The following P2RX1 variants were observed in gnomAD, a reference collection of about 807,000 sequenced individuals.
The protein encoded by P2RX1 is P2X purinoceptor 1.
In P2RX1, 42 loss-of-function variants were observed where a neutral mutation model predicts 50.3. That is an observed-to-expected ratio of 0.83 (90% CI 0.65 to 1.08). The LOEUF (loss-of-function observed/expected upper bound fraction) is 1.08. Ranked by LOEUF, P2RX1 falls within the 50% of genes least tolerant of loss-of-function variation. The pLI, the probability that P2RX1 is intolerant of heterozygous loss-of-function variation, is 0.00. For missense variants in P2RX1, 449 were observed against 529.0 expected (o/e 0.85, Z 1.48); for synonymous variants, 199 against 202.6 (o/e 0.98, Z 0.15).
At chr17:3,899,125 G>A (rs2143956808) in intron 8 of P2RX1, 101 bp from the exon 9 acceptor site, 1 of 830,128 alleles carries the variant, frequency 1.2e-6, no homozygotes, top group East Asian at 2.5e-5. Context: ...TGGTCTCTGA[G>A]TACAGCCTCA....
intron 7 of P2RX1, 111 bp from the exon 8 acceptor site, chr17:3,899,872 G>A (rs553698029): frequency 1.8e-5 from 25 of 1,356,840 alleles, no homozygotes; most frequent in Admixed American, 1.7e-4. Context: ...AGGCAGAGGC[G>A]GGTGGATCAC....
intron 1 of P2RX1, among the ~76,000 whole-genome samples, chr17:3,910,521 G>A (rs2056344709): frequency 1.3e-5 from 2 of 152,216 alleles, no homozygotes. Context: ...TTCATCTAAG[G>A]ACCCAGAAGG....
intron 1 of P2RX1, among the ~76,000 whole-genome samples, chr17:3,910,716 C>T (rs1243583588): frequency 6.6e-6 from 1 of 152,198 alleles, no homozygotes; most frequent in Non-Finnish European, 1.5e-5. Context: ...GGGGCATGAG[C>T]AGACTCCAGG....
At chr17:3,902,881 T>G (rs1280840123) in intron 7 of P2RX1, among the ~76,000 whole-genome samples, 1 of 151,968 alleles carries the variant, frequency 6.6e-6, no homozygotes, top group Non-Finnish European at 1.5e-5. Flanking sequence ...AGTGCTGGGA[T>G]TATAGGCACG....
In P2RX1 at chr17:3,897,704, C is replaced by T; in HGVS notation, c.*110G>A. On this transcript the variant is annotated 3_prime_UTR_variant, in exon 12 of 12. Transcript: ENST00000225538. Reference sequence around the variant, plus strand: ...TTCTGGCAAACTGCTCTCTGCCTGGCTGAGAGGGTAGGAGACTTCCTGGGG... The same window carrying T: ...TTCTGGCAAACTGCTCTCTGCCTGGTTGAGAGGGTAGGAGACTTCCTGGGG... The T allele has an allele frequency of 1.0e-6, 1 of 965,126 alleles. No homozygotes were observed. The highest frequency in any genetic ancestry group is 1.6e-6 in the Non-Finnish European group (1 of 621,034). The allele number at this position is 965,126 out of a possible 1,614,324, so 59.8% of individuals were successfully genotyped here.
intron 2 of P2RX1, 34 bp from the exon 3 acceptor site, chr17:3,904,963 G>GGGGCC: frequency 1.4e-5 from 6 of 435,234 alleles, no homozygotes; most frequent in Non-Finnish European, 1.4e-5. Flanking sequence ...GGTGGGGTGG[G>GGGGCC]CTGGGAGCTG....
intron 7 of P2RX1, among the ~76,000 whole-genome samples, chr17:3,901,265 C>T (rs2056137036): frequency 6.6e-6 from 1 of 152,192 alleles, no homozygotes; most frequent in Non-Finnish European, 1.5e-5. Flanking sequence ...GACGGGGTTT[C>T]ACCGTGTTAG....
intron 1 of P2RX1, among the ~76,000 whole-genome samples, chr17:3,911,480 T>G (rs1404368409): frequency 6.6e-6 from 1 of 152,204 alleles, no homozygotes; most frequent in East Asian, 1.9e-4. Flanking sequence ...GCGTGAGGCC[T>G]GCCGGGGTGA....
chr17:3,906,549 T>C (rs1374081422), intron 1 of P2RX1, among the ~76,000 whole-genome samples: 1 of 152,240 alleles, frequency 6.6e-6, no homozygotes, highest in Non-Finnish European at 1.5e-5. Flanking sequence ...GATCCAGCCA[T>C]GCTGGGACCC....
In P2RX1 at chr17:3,911,069, A is replaced by G. The variant is rs569389480; in HGVS notation, c.137+5020T>C. Reference sequence around the variant, plus strand: ...GCAGTCGTGGCTCACTGCAGCCTCAACTTTCCAGGCTCAGGTGATCCTCCC... The same window carrying G: ...GCAGTCGTGGCTCACTGCAGCCTCAGCTTTCCAGGCTCAGGTGATCCTCCC... On this transcript the variant is annotated intron_variant, in intron 1 of 11. Coordinates refer to ENST00000225538, the MANE Select transcript of P2RX1 (RefSeq NM_002558.4). Among the ~76,000 whole-genome samples the G allele has an allele frequency of 2.9e-3, 436 of 151,984 alleles. 6 individuals are homozygous for G. Among genetic ancestry groups the G allele is most frequent in the African/African-American group, 0.01 (419 of 41,404 alleles).
rs564311052 is a variant in P2RX1 at position 3,914,367 on chromosome 17, C to T, written c.137+1722G>A. Among the ~76,000 whole-genome samples the T allele has an allele frequency of 3.5e-4, 53 of 152,004 alleles. No homozygotes were observed. Among genetic ancestry groups the T allele is most frequent in the African/African-American group, 1.0e-3 (42 of 41,452 alleles). On this transcript the variant is annotated intron_variant, in intron 1 of 11. Coordinates refer to ENST00000225538, the MANE Select transcript of P2RX1 (RefSeq NM_002558.4). This position sits in a 1 kb window ranked among gnomAD's most constrained non-coding sequence, Gnocchi z 4.1. Reference sequence around the variant, plus strand: ...GGCAGGAGGACGGTAGTGAGGTCCCCGTCACTGGAGGTATAGGTTCCCGGC... The same window carrying T: ...GGCAGGAGGACGGTAGTGAGGTCCCTGTCACTGGAGGTATAGGTTCCCGGC...
intron 7 of P2RX1, among the ~76,000 whole-genome samples, chr17:3,901,620 C>G (rs2056148123): frequency 6.6e-6 from 1 of 152,216 alleles, no homozygotes; most frequent in Non-Finnish European, 1.5e-5. Flanking sequence ...TTGCTGACCT[C>G]CCTTGTAGAC....
Position 3,903,394 on chromosome 17 carries a change from C to A in P2RX1, c.606-51G>T. 1 of 1,611,212 alleles carries A rather than the reference C, an allele frequency of 6.2e-7. No homozygotes were observed. Among genetic ancestry groups the A allele is most frequent in the Non-Finnish European group, 8.5e-7 (1 of 1,178,754 alleles). On this transcript the variant is annotated intron_variant, in intron 6 of 11. Coordinates refer to ENST00000225538, the MANE Select transcript of P2RX1 (RefSeq NM_002558.4). This position sits in a 1 kb window ranked among gnomAD's most constrained non-coding sequence, Gnocchi z 4.6. ...CTGCTGTGTGTCATCCGGGAGGGTG[C>A]CCACCACGCCCCAAAGCCTGGGGAC...
In P2RX1 at chr17:3,903,661, C is replaced by T; in HGVS notation, c.525-30G>A. On this transcript the variant is annotated intron_variant, in intron 5 of 11. Transcript: ENST00000225538. This position sits in a 1 kb window ranked among gnomAD's most constrained non-coding sequence, Gnocchi z 4.6. ...AGGACACCACACGCACTCACCGCCC[C>T]TCCCCAGGAGGCCCCCTGTGTGTCC... The T allele has an allele frequency of 6.2e-7, 1 of 1,608,850 alleles. No individual in the cohort carries two copies. Among genetic ancestry groups the T allele is most frequent in the Non-Finnish European group, 8.5e-7 (1 of 1,175,738 alleles).
intron 3 of P2RX1, chr17:3,904,634 G>A (rs925730464): frequency 6.4e-6 from 4 of 627,890 alleles, no homozygotes; most frequent in South Asian, 5.6e-5. Context: ...GTGGGGGTGG[G>A]CACGAAGTCT....
intron 7 of P2RX1, among the ~76,000 whole-genome samples, chr17:3,901,453 A>C (rs2143979109): frequency 6.6e-6 from 1 of 152,276 alleles, no homozygotes; most frequent in South Asian, 2.1e-4. Flanking sequence ...AGGGGTCAGG[A>C]AACTGAGGCC....
In P2RX1 at chr17:3,902,588, G is replaced by A. The variant is rs112962367; in HGVS notation, c.747+614C>T. ...TGGGATTACAGGCGTGAACCACTGT[G>A]CCCGGCCAATTTTTGTTTTTGTTTT... On this transcript the variant is annotated intron_variant, in intron 7 of 11. Transcript: ENST00000225538. Among the ~76,000 whole-genome samples, 589 of 149,996 alleles carry A rather than the reference G, an allele frequency of 3.9e-3. 6 individuals carry two copies. The highest frequency in any genetic ancestry group is 0.014 in the African/African-American group (560 of 40,658).
chr17:3,906,752 G>T (rs150419540), intron 1 of P2RX1, among the ~76,000 whole-genome samples: 87 of 152,310 alleles, frequency 5.7e-4, no homozygotes, highest in African/African-American at 1.9e-3. Context: ...AGTCTGGAAG[G>T]TTCCATGAGG....
intron 3 of P2RX1, 60 bp from the exon 4 acceptor site, chr17:3,904,459 C>T: frequency 6.9e-7 from 1 of 1,447,574 alleles, no homozygotes; most frequent in Admixed American, 1.8e-5. Flanking sequence ...AGAAGAGCCC[C>T]TCTCCCCACC....
Sources: allele counts gnomAD v4.1 joint callset (sites outside exome capture counted in the v4.1 genomes callset), GRCh38; gene constraint gnomAD v4.1.1; non-coding constraint Gnocchi (gnomAD v3.1); transcripts MANE v1.5; gene names NCBI Gene and HGNC (gene_info 2026-07-23, HGNC 2026-07-21).